The following NRCAM variants were observed in gnomAD, a reference collection of about 807,000 sequenced individuals.
NRCAM encodes NgCAM-related cell adhesion molecule.
Under a neutral mutation model 156.5 loss-of-function variants are expected in NRCAM, and 83 were observed. The observed-to-expected ratio is 0.53, with a 90% CI of 0.44 to 0.64. The LOEUF is 0.64. Ranked by LOEUF, NRCAM falls within the 30% of genes least tolerant of loss-of-function variation. The probability of loss-of-function intolerance (pLI) is 0.00; values close to 1 mark genes in which losing one functional copy is unlikely to be tolerated. For synonymous variants in NRCAM, 538 were observed against 563.9 expected (o/e 0.95, Z 0.65); for missense variants, 1,417 against 1,597.3 (o/e 0.89, Z 1.92).
intron 15 of NRCAM, among the ~76,000 whole-genome samples, chr7:108,195,538 C>T (rs1330573842): frequency 1.3e-5 from 2 of 152,062 alleles, no homozygotes; most frequent in East Asian, 3.9e-4. Flanking sequence ...TATGCTTGAA[C>T]CCAGGAGGCA....
At chr7:108,151,216 G>A (rs1263225725) in intron 32 of NRCAM, among the ~76,000 whole-genome samples, 1 of 151,154 alleles carries the variant, frequency 6.6e-6, no homozygotes, top group Non-Finnish European at 1.5e-5. Flanking sequence ...TAACATTTGG[G>A]AAAAAAATAG....
chr7:108,161,524 A>G (rs187856938), intron 30 of NRCAM, among the ~76,000 whole-genome samples: 30 of 152,352 alleles, frequency 2.0e-4, no homozygotes, highest in Non-Finnish European at 2.6e-4. Flanking sequence ...TTTTGACCAT[A>G]ATCAAGATAA....
intron 13 of NRCAM, among the ~76,000 whole-genome samples, chr7:108,200,656 C>A (rs895070971): frequency 6.6e-6 from 1 of 152,018 alleles, no homozygotes; most frequent in African/African-American, 2.4e-5. Flanking sequence ...CTTGCACACA[C>A]ATGTTGATAG....
At chr7:108,271,981 C>T (rs1281286544) in intron 3 of NRCAM, among the ~76,000 whole-genome samples, 1 of 152,084 alleles carries the variant, frequency 6.6e-6, no homozygotes, top group Non-Finnish European at 1.5e-5. Flanking sequence ...TGATTTTATC[C>T]CCTCAAGTAA....
chr7:108,431,772 G>A (rs759618980), intron 1 of NRCAM, among the ~76,000 whole-genome samples: 7 of 152,178 alleles, frequency 4.6e-5, no homozygotes, highest in Non-Finnish European at 7.3e-5. Context: ...GAAATAAAGC[G>A]AGATGCTGTC....
At chr7:108,308,971 A>G (rs967396320) in intron 3 of NRCAM, among the ~76,000 whole-genome samples, 1 of 152,232 alleles carries the variant, frequency 6.6e-6, no homozygotes, top group Non-Finnish European at 1.5e-5. Context: ...TGCACATTGA[A>G]TTTAATATGC....
chr7:108,323,125 T>C (rs757450788), intron 2 of NRCAM, among the ~76,000 whole-genome samples: 18 of 152,180 alleles, frequency 1.2e-4, no homozygotes, highest in Non-Finnish European at 2.4e-4. Flanking sequence ...CAGAGGTGAA[T>C]TAACAAAGCG....
intron 3 of NRCAM, among the ~76,000 whole-genome samples, chr7:108,302,059 A>G (rs902597452): frequency 3.3e-5 from 5 of 151,928 alleles, no homozygotes; most frequent in Non-Finnish European, 7.4e-5. Flanking sequence ...AGTACAAAAA[A>G]AAAAACCCAC....
At chr7:108,339,539 C>T (rs903672093) in intron 2 of NRCAM, among the ~76,000 whole-genome samples, 1 of 152,168 alleles carries the variant, frequency 6.6e-6, no homozygotes, top group Non-Finnish European at 1.5e-5. Flanking sequence ...GGACTCACCC[C>T]TGAGCACAAA....
At chr7:108,293,537 TAAAG>T (rs1045177070) in intron 3 of NRCAM, among the ~76,000 whole-genome samples, 1 of 152,190 alleles carries the variant, frequency 6.6e-6, no homozygotes, top group African/African-American at 2.4e-5. Flanking sequence ...TCCTACGTCA[TAAAG>T]GAAGTCTAAG....
intron 3 of NRCAM, among the ~76,000 whole-genome samples, chr7:108,246,607 A>G (rs1197342590): frequency 6.6e-6 from 1 of 152,186 alleles, no homozygotes; most frequent in Non-Finnish European, 1.5e-5. Context: ...CTGAGTGGCC[A>G]TGACATCACC....
chr7:108,156,321 T>C (rs1277941635), intron 32 of NRCAM: 8 of 984,936 alleles, frequency 8.1e-6, no homozygotes, highest in Admixed American at 6.1e-5. Flanking sequence ...CATGGGCATA[T>C]GGTTTATGAC....
chr7:108,252,054 G>A (rs1469511961), intron 3 of NRCAM, among the ~76,000 whole-genome samples: 1 of 152,226 alleles, frequency 6.6e-6, no homozygotes, highest in African/African-American at 2.4e-5. Context: ...GGTGGCATCA[G>A]AAAGAGTACC....
chr7:108,306,543 AT>A (rs1383087416), intron 3 of NRCAM, among the ~76,000 whole-genome samples: 1 of 152,186 alleles, frequency 6.6e-6, no homozygotes, highest in South Asian at 2.1e-4. Flanking sequence ...CTTGCTGAGA[AT>A]TAAAAGGTTA....
intron 28 of NRCAM, among the ~76,000 whole-genome samples, chr7:108,174,530 C>T (rs750233346): frequency 7.9e-5 from 12 of 152,232 alleles, no homozygotes; most frequent in Non-Finnish European, 1.5e-4. Context: ...ACTGGTCAAC[C>T]AGCAGCCAGG....
At chr7:108,411,403 TA>T (rs1391893989) in intron 1 of NRCAM, among the ~76,000 whole-genome samples, 1 of 152,202 alleles carries the variant, frequency 6.6e-6, no homozygotes, top group Non-Finnish European at 1.5e-5. Flanking sequence ...TTGGGATTTT[TA>T]AAGTTTTGCT....
intron 1 of NRCAM, among the ~76,000 whole-genome samples, chr7:108,411,751 T>C (rs1228900070): frequency 2.6e-5 from 4 of 152,106 alleles, no homozygotes; most frequent in Non-Finnish European, 2.9e-5. Flanking sequence ...CAGGCTGGTC[T>C]CGAACTCCCG....
intron 1 of NRCAM, among the ~76,000 whole-genome samples, chr7:108,446,677 A>T (rs763109589): frequency 6.6e-6 from 1 of 152,018 alleles, no homozygotes; most frequent in South Asian, 2.1e-4. Context: ...TATTTAGAGC[A>T]AATATCAAAT....
chr7:108,195,867 G>A lies in NRCAM; in HGVS notation c.1357C>T (p.Pro453Ser). The change falls in exon 15 of 33, where the codon CCA becomes TCA. Residue 453 changes from proline (P) to serine (S), a missense_variant. Transcript: ENST00000379028. ...ANAFVNVLAE[P>S]PRILTPANTL... Reference sequence around the variant, plus strand: ...TTTGCAGGTGTGAGGATTCGTGGTGGCTCAGCTACAAATATTTTTAAAAGG... The same window carrying A: ...TTTGCAGGTGTGAGGATTCGTGGTGACTCAGCTACAAATATTTTTAAAAGG... The A allele has an allele frequency of 1.3e-6, 2 of 1,596,634 alleles. No individual in the cohort carries two copies. Among genetic ancestry groups the A allele is most frequent in the Non-Finnish European group, 1.7e-6 (2 of 1,164,556 alleles).
Sources: gnomAD v4.1 joint callset for allele counts (sites outside exome capture counted in the v4.1 genomes callset) on GRCh38, gnomAD v4.1.1 for gene constraint, MANE v1.5 for transcripts, NCBI Gene and HGNC (gene_info 2026-07-23, HGNC 2026-07-21) for gene names.